The following ACAD9 variants were observed in gnomAD, a reference collection of about 807,000 sequenced individuals.
ACAD9 encodes the protein acyl-CoA dehydrogenase family member 9.
A neutral mutation model predicts 70.2 loss-of-function variants in ACAD9; 53 were observed. That is an observed-to-expected ratio of 0.75 (90% CI 0.61 to 0.95). ACAD9 has a LOEUF of 0.95. ACAD9 is among the 40% of genes least tolerant of loss of function. The pLI is 0.00. For missense variants in ACAD9, 777 were observed against 802.8 expected, an observed-to-expected ratio of 0.97 and a Z score of 0.39; for synonymous variants, 313 against 312.1, an observed-to-expected ratio of 1.00 and a Z score of -0.03.
intron 6 of ACAD9, 79 bp from the exon 7 acceptor site, chr3:128,899,188 GAGGTCTGACTGGCAGCTGGA>G (rs1277932583): frequency 2.3e-5 from 30 of 1,306,266 alleles, no homozygotes; most frequent in Non-Finnish European, 2.8e-5. Context: ...TGTCTGGCCT[GAGGTCTGACTGGCAGCTGGA>G]GCTTGATGGA....
intron 13 of ACAD9, 62 bp from the exon 14 acceptor site, chr3:128,908,911 G>A (rs1408343516): frequency 6.2e-7 from 1 of 1,613,132 alleles, no homozygotes; most frequent in Non-Finnish European, 8.5e-7. Flanking sequence ...AATGGGCCAT[G>A]TTGCTGGACA....
At position 128,908,217 on chromosome 3, in the gene ACAD9, CCT is replaced by C. The variant is rs1235958275; in HGVS notation, c.1312_1313del (p.Leu438AspfsTer16). 6.2e-7 allele frequency: 1 copy of C among 1,614,056 alleles called. No individual in the cohort carries two copies. Among genetic ancestry groups the C allele is most frequent in the African/African-American group, 1.3e-5 (1 of 74,928 alleles). On this transcript the variant is annotated frameshift_variant, in exon 13 of 18. Coordinates refer to ENST00000308982, the MANE Select transcript of ACAD9 (RefSeq NM_014049.5). LOFTEE classifies it high-confidence loss of function. ...TNEILRMYIALTGLQHAGRIL... is the reference protein window; with the variant it reads ...TNEILRMYIAXTGLQHAGRIL... Reference sequence around the variant, plus strand: ...ATGAGATTCTCCGGATGTACATCGCCCTGACGGGTCTGCAGCATGCCGGCCGC... The same window carrying C: ...ATGAGATTCTCCGGATGTACATCGCCGACGGGTCTGCAGCATGCCGGCCGC...
intron 1 of ACAD9, among the ~76,000 whole-genome samples, chr3:128,880,825 G>T (rs768267160): frequency 1.4e-4 from 21 of 152,192 alleles, no homozygotes; most frequent in Non-Finnish European, 2.8e-4. Context: ...AGAGAGAGCT[G>T]GCTTCAACAC....
chr3:128,889,311 G>A (rs1324322924), intron 2 of ACAD9, among the ~76,000 whole-genome samples: 1 of 152,126 alleles, frequency 6.6e-6, no homozygotes. Context: ...ACCACGCCCG[G>A]CCTACTGTAC....
rs952364199 is a variant in ACAD9 at position 128,913,040 on chromosome 3, A to C, written c.*433A>C. On this transcript the variant is annotated 3_prime_UTR_variant, in exon 18 of 18. Coordinates refer to ENST00000308982, the MANE Select transcript of ACAD9 (RefSeq NM_014049.5). Reference sequence around the variant, plus strand: ...TGTCTGGGTCATTCATTTAAACTAGAAGCAGAGGCACTTAAAACATGTACC... The same window carrying C: ...TGTCTGGGTCATTCATTTAAACTAGCAGCAGAGGCACTTAAAACATGTACC... 8 of 456,270 alleles carry C rather than the reference A, an allele frequency of 1.8e-5. No individual in the cohort carries two copies. Among genetic ancestry groups the C allele is most frequent in the African/African-American group, 1.4e-4 (7 of 50,074 alleles). The allele number at this position is 456,270 out of a possible 1,614,324, so 28.3% of individuals were successfully genotyped here.
chr3:128,896,195 G>A (rs1394852202), intron 4 of ACAD9, among the ~76,000 whole-genome samples: 6 of 152,236 alleles, frequency 3.9e-5, no homozygotes, highest in Non-Finnish European at 8.8e-5. Flanking sequence ...TGATATGAAA[G>A]TTTTGGACAC....
chr3:128,908,444 C>CGAGG, intron 13 of ACAD9, 180 bp downstream of exon 13: 1 of 708,846 alleles, frequency 1.4e-6, no homozygotes, highest in Non-Finnish European at 2.5e-6. Flanking sequence ...GGGAAGCCCT[C>CGAGG]GCTGCCCTGC....
At chr3:128,883,414 A>G (rs575614899) in intron 1 of ACAD9, among the ~76,000 whole-genome samples, 7 of 150,628 alleles carry the variant, frequency 4.6e-5, no homozygotes, top group South Asian at 2.1e-4. Flanking sequence ...CTGGAGTGCA[A>G]TGGCGCAATC....
chr3:128,889,437 C>G (rs895693081), intron 2 of ACAD9, among the ~76,000 whole-genome samples: 1 of 152,146 alleles, frequency 6.6e-6, no homozygotes, highest in African/African-American at 2.4e-5. Context: ...AATCACCTGA[C>G]GCATGACTGT....
At position 128,906,259 on chromosome 3, in the gene ACAD9, C is replaced by T. The variant is rs1935886775; in HGVS notation, c.1278+10C>T. ...CCTCCTCATCTTCGAGGTGAGTGGC[C>T]CCGCCACCAGCTAAGCTGTGCTCCA... is the stretch of plus-strand genomic sequence containing the variant. On this transcript the variant is annotated intron_variant, in intron 12 of 17. Transcript: ENST00000308982. 1.9e-6 allele frequency: 3 copies of T among 1,613,772 alleles called. No individual in the cohort carries two copies. Among genetic ancestry groups the T allele is most frequent in the African/African-American group, 1.3e-5 (1 of 74,938 alleles).
intron 2 of ACAD9, among the ~76,000 whole-genome samples, chr3:128,887,179 A>G (rs922538004): frequency 6.6e-6 from 1 of 152,104 alleles, no homozygotes; most frequent in East Asian, 1.9e-4. Context: ...CCTGTAATCC[A>G]AAGTGCTGGG....
chr3:128,896,737 T>A (rs149370575), intron 5 of ACAD9, among the ~76,000 whole-genome samples: 1 of 152,362 alleles, frequency 6.6e-6, no homozygotes, highest in African/African-American at 2.4e-5. Context: ...GCAAGTGAGA[T>A]ACCACGCTTG....
intron 2 of ACAD9, among the ~76,000 whole-genome samples, chr3:128,888,931 A>G (rs1021493096): frequency 6.7e-6 from 1 of 150,002 alleles, no homozygotes; most frequent in Non-Finnish European, 1.5e-5. Context: ...ATTAAGGAAT[A>G]ATTGATTTAC....
At chr3:128,909,150 TCTC>T in intron 14 of ACAD9, 51 bp downstream of exon 14, 4 of 1,611,762 alleles carry the variant, frequency 2.5e-6, no homozygotes, top group Non-Finnish European at 3.4e-6. Context: ...TCCTGCCAGA[TCTC>T]CTTGTGGCAG....
At chr3:128,896,285 C>G in intron 4 of ACAD9, 151 bp from the exon 5 acceptor site, 1 of 854,452 alleles carries the variant, frequency 1.2e-6, no homozygotes, top group Admixed American at 2.0e-5. Flanking sequence ...AGCTTGGCTC[C>G]CTGGGCTCTG....
intron 12 of ACAD9, 77 bp from the exon 13 acceptor site, chr3:128,908,108 C>A: frequency 1.4e-6 from 2 of 1,388,814 alleles, no homozygotes; most frequent in South Asian, 1.2e-5. Context: ...CAGTGGCCGG[C>A]TCTACCCAGC....
chr3:128,912,397 C>A, intron 17 of ACAD9, 110 bp from the exon 18 acceptor site: 1 of 904,076 alleles, frequency 1.1e-6, no homozygotes. Flanking sequence ...ACCCTTAGGG[C>A]TGCTTCATGG....
chr3:128,907,938 A>G (rs1230494236), intron 12 of ACAD9, among the ~76,000 whole-genome samples: 1 of 152,210 alleles, frequency 6.6e-6, no homozygotes, highest in Non-Finnish European at 1.5e-5. Flanking sequence ...AAGGCTTGAC[A>G]CACGTGAGGC....
chr3:128,901,375 T>A (rs778247406), intron 8 of ACAD9, 26 bp downstream of exon 8: 15 of 1,613,298 alleles, frequency 9.3e-6, no homozygotes, highest in Non-Finnish European at 1.3e-5. Flanking sequence ...CAGCCCCTTG[T>A]ACCAGGTAGT....
Sources: gnomAD v4.1 joint callset for allele counts (sites outside exome capture counted in the v4.1 genomes callset) on GRCh38, gnomAD v4.1.1 for gene constraint, MANE v1.5 for transcripts, NCBI Gene and HGNC (gene_info 2026-07-23, HGNC 2026-07-21) for gene names.